The following SETBP1 variants were observed in gnomAD, a reference collection of about 807,000 sequenced individuals.
The protein encoded by SETBP1 is SET-binding protein.
A neutral mutation model predicts 101.0 loss-of-function variants in SETBP1; 9 were observed. The observed-to-expected ratio is 0.09, with a 90% CI of 0.05 to 0.16. SETBP1 has a LOEUF of 0.16. SETBP1 is among the 10% of genes least tolerant of loss of function. The pLI is 1.00. For synonymous variants in SETBP1, 818 were observed against 788.5 expected, an observed-to-expected ratio of 1.04 and a Z score of -0.63; for missense variants, 1,858 against 2,033.8, an observed-to-expected ratio of 0.91 and a Z score of 1.66.
At chr18:44,792,567 G>A (rs571897596) in intron 2 of SETBP1, among the ~76,000 whole-genome samples, 3 of 152,292 alleles carry the variant, frequency 2.0e-5, no homozygotes, top group East Asian at 1.9e-4. Context: ...GCCCACCACC[G>A]CCTGGAGTAC....
rs1366730450 is a variant in SETBP1, at chr18:44,976,056, G to A, written c.4000+22716G>A. Among the ~76,000 whole-genome samples, 5 of 141,932 alleles carry A rather than the reference G, an allele frequency of 3.5e-5. No individual in the cohort carries two copies. In the East Asian group the frequency reaches 1.1e-3, roughly 30 times the overall value. The allele number at this position is 141,932 out of a possible 152,430, so 93.1% of individuals were successfully genotyped here. ...ATGTATATTCAGTGTTTAGTAAGTCGAGCTTTTGGGGAGGGATACACACAC... is the reference window on the plus strand; with the variant it reads ...ATGTATATTCAGTGTTTAGTAAGTCAAGCTTTTGGGGAGGGATACACACAC... On this transcript the variant is annotated intron_variant, in intron 4 of 5. Coordinates refer to ENST00000649279, the MANE Select transcript of SETBP1 (RefSeq NM_015559.3).
chr18:44,964,894 G>A (rs959428155), intron 4 of SETBP1, among the ~76,000 whole-genome samples: 1 of 152,158 alleles, frequency 6.6e-6, no homozygotes, highest in African/African-American at 2.4e-5. Context: ...ATTTGCTCGT[G>A]ATAACCTTTC....
At chr18:44,943,524 GA>G (rs1699921415) in intron 3 of SETBP1, among the ~76,000 whole-genome samples, 1 of 152,248 alleles carries the variant, frequency 6.6e-6, no homozygotes, top group African/African-American at 2.4e-5. Context: ...GATCACCTGA[GA>G]GCTTTGAAAA....
At position 44,950,330 on chromosome 18, in the gene SETBP1, G is replaced by A. The variant is rs979688368; in HGVS notation, c.990G>A (p.Thr330=). 28 of 1,613,910 alleles carry A rather than the reference G, an allele frequency of 1.7e-5. No individual in the cohort carries two copies. Among genetic ancestry groups the A allele is most frequent in the African/African-American group, 6.7e-5 (5 of 74,924 alleles). The part of the protein sequence containing the change: ...GGTKEPPEPP[T]VGSKKKSSKK... ...CAAAGGAGCCCCCAGAACCACCTAC[G>A]GTGGGCAGCAAGAAAAAGTCCAGTA... The change falls in exon 4 of 6, where the codon ACG becomes ACA. Residue 330 remains threonine, a synonymous_variant. Transcript: ENST00000649279.
intron 2 of SETBP1, among the ~76,000 whole-genome samples, chr18:44,705,112 C>G (rs766570067): frequency 6.6e-6 from 1 of 152,194 alleles, no homozygotes; most frequent in African/African-American, 2.4e-5. Context: ...TGGGCCAAAT[C>G]CAGCCTCCTG....
intron 2 of SETBP1, among the ~76,000 whole-genome samples, chr18:44,846,383 A>G (rs2072724811): frequency 6.6e-6 from 1 of 152,182 alleles, no homozygotes; most frequent in African/African-American, 2.4e-5. Context: ...AGAAACTTTC[A>G]ACCCCCCAAA....
intron 4 of SETBP1, among the ~76,000 whole-genome samples, chr18:44,954,671 T>C (rs1011999851): frequency 6.6e-5 from 10 of 152,210 alleles, no homozygotes; most frequent in Non-Finnish European, 1.2e-4. Context: ...TTCTCCTTGG[T>C]TAATGAAGAA....
intron 4 of SETBP1, among the ~76,000 whole-genome samples, chr18:44,973,736 AT>A (rs2071921105): frequency 6.6e-6 from 1 of 152,190 alleles, no homozygotes; most frequent in Non-Finnish European, 1.5e-5. Context: ...AGGCAAGAAA[AT>A]GCTGGTAGGG....
intron 2 of SETBP1, among the ~76,000 whole-genome samples, chr18:44,792,319 T>C (rs1307518943): frequency 1.3e-5 from 2 of 152,208 alleles, no homozygotes. Context: ...AAGATATCCA[T>C]GTCTGTGTAT....
At chr18:44,848,383 A>G (rs1485676891) in intron 2 of SETBP1, among the ~76,000 whole-genome samples, 1 of 152,138 alleles carries the variant, frequency 6.6e-6, no homozygotes, top group Admixed American at 6.5e-5. Flanking sequence ...GTGCCCTCCT[A>G]TGGAAGTGTC....
At chr18:44,759,331 G>A (rs916845547) in intron 2 of SETBP1, among the ~76,000 whole-genome samples, 6 of 152,152 alleles carry the variant, frequency 3.9e-5, no homozygotes, top group African/African-American at 1.2e-4. Context: ...GAATTGTGGC[G>A]TCTGCGAAGC....
At chr18:44,848,828 C>T (rs1235319589) in intron 2 of SETBP1, among the ~76,000 whole-genome samples, 2 of 152,208 alleles carry the variant, frequency 1.3e-5, no homozygotes, top group African/African-American at 4.8e-5. Flanking sequence ...TTACATTTCT[C>T]CAAGGATGGG....
At chr18:44,827,826 C>A (rs901983444) in intron 2 of SETBP1, among the ~76,000 whole-genome samples, 1 of 152,194 alleles carries the variant, frequency 6.6e-6, no homozygotes, top group Admixed American at 6.5e-5. Flanking sequence ...CCCTGTTAAG[C>A]CTTCAACCAG....
chr18:44,904,724 A>G (rs1372444994), intron 3 of SETBP1, among the ~76,000 whole-genome samples: 2 of 152,174 alleles, frequency 1.3e-5, no homozygotes, highest in Non-Finnish European at 2.9e-5. Flanking sequence ...CTAGTAAGCA[A>G]TACTTCTCCA....
At chr18:44,851,899 G>A (rs983563882) in intron 2 of SETBP1, among the ~76,000 whole-genome samples, 6 of 152,178 alleles carry the variant, frequency 3.9e-5, no homozygotes, top group Admixed American at 3.9e-4. Flanking sequence ...GCCATCCCTG[G>A]GCTCTGCTCC....
chr18:44,994,591 C>G (rs2072450777), intron 4 of SETBP1, among the ~76,000 whole-genome samples: 1 of 152,128 alleles, frequency 6.6e-6, no homozygotes, highest in Admixed American at 6.6e-5. Flanking sequence ...TACCAATGTG[C>G]TCATAGGGAA....
intron 1 of SETBP1, among the ~76,000 whole-genome samples, chr18:44,687,532 G>A (rs535766962): frequency 3.3e-5 from 5 of 152,262 alleles, no homozygotes; most frequent in African/African-American, 1.2e-4. Flanking sequence ...GGGGAGAGGA[G>A]GCAATGGTGA....
intron 5 of SETBP1, among the ~76,000 whole-genome samples, chr18:45,057,391 G>T (rs1199560472): frequency 6.6e-6 from 1 of 151,978 alleles, no homozygotes; most frequent in East Asian, 1.9e-4. Flanking sequence ...TAAATAAAAT[G>T]CAGGATTTAC....
intron 4 of SETBP1, among the ~76,000 whole-genome samples, chr18:44,971,671 C>T (rs978267799): frequency 5.3e-5 from 8 of 152,200 alleles, no homozygotes; most frequent in Non-Finnish European, 1.0e-4. Flanking sequence ...GCATAAATAT[C>T]TTCTTTTGAG....
Sources: allele counts gnomAD v4.1 joint callset (sites outside exome capture counted in the v4.1 genomes callset), GRCh38; gene constraint gnomAD v4.1.1; transcripts MANE v1.5; gene names NCBI Gene and HGNC (gene_info 2026-07-23, HGNC 2026-07-21).